Variants in SLC16A10 observed in about 807,000 individuals in gnomAD.
SLC16A10 encodes the protein monocarboxylate transporter 10.
Under a neutral mutation model 40.0 loss-of-function variants are expected in SLC16A10, and 27 were observed. The ratio of observed to expected loss-of-function variants is 0.67; its 90% CI spans 0.50 to 0.93. The LOEUF (loss-of-function observed/expected upper bound fraction) is 0.93, where lower values mean the gene tolerates loss of function less well. Ranked by LOEUF, SLC16A10 falls within the 40% of genes least tolerant of loss-of-function variation. The probability of loss-of-function intolerance (pLI) is 0.00; values close to 1 mark genes in which losing one functional copy is unlikely to be tolerated. For synonymous variants in SLC16A10, 213 were observed against 249.8 expected, an observed-to-expected ratio of 0.85 and a Z score of 1.39; for missense variants, 529 against 658.2, an observed-to-expected ratio of 0.80 and a Z score of 2.15.
At chr6:111,165,901 T>G (rs354533) in intron 1 of SLC16A10, among the ~76,000 whole-genome samples, 19,219 of 152,170 alleles carry the variant, frequency 0.13, 1,360 homozygotes, top group Middle Eastern at 0.17. Flanking sequence ...AGAAAGTCCT[T>G]CCACGTGGTT....
At chr6:111,135,697 T>TCC (rs1301990432) in intron 1 of SLC16A10, among the ~76,000 whole-genome samples, 1 of 152,218 alleles carries the variant, frequency 6.6e-6, no homozygotes, top group East Asian at 1.9e-4. Flanking sequence ...CCCCCATCTA[T>TCC]TTGGCCAGGC....
chr6:111,087,896 G>A lies in SLC16A10; in HGVS notation c.144G>A (p.Val48=). The A allele has an allele frequency of 6.4e-7, 1 of 1,570,874 alleles. No individual in the cohort carries two copies. Residue 48 remains valine (V), a synonymous_variant, in exon 1 of 6, where the codon GTG becomes GTA. Transcript: ENST00000368851. ...SPEAAVEKVE[V]ELAGPATAEP... The stretch of plus-strand genomic sequence containing the variant: ...AGGCGGCTGTCGAGAAGGTGGAGGT[G>A]GAGCTGGCGGGGCCGGCGACCGCGG...
At chr6:111,159,189 C>G (rs1479665347) in intron 1 of SLC16A10, among the ~76,000 whole-genome samples, 1 of 151,876 alleles carries the variant, frequency 6.6e-6, no homozygotes, top group Non-Finnish European at 1.5e-5. Context: ...AATCACTATC[C>G]CACATTTGCT....
At chr6:111,176,548 T>A (rs185392409) in intron 2 of SLC16A10, among the ~76,000 whole-genome samples, 8 of 152,222 alleles carry the variant, frequency 5.3e-5, no homozygotes, top group Non-Finnish European at 1.2e-4. Context: ...ATACACTTAA[T>A]TTAAGTCTTT....
At position 111,088,043 on chromosome 6, in the gene SLC16A10, C is replaced by A; in HGVS notation, c.291C>A (p.Ser97=). The A allele has an allele frequency of 6.2e-7, 1 of 1,608,744 alleles. No homozygotes were observed. Among genetic ancestry groups the A allele is most frequent in the Non-Finnish European group, 8.5e-7 (1 of 1,177,650 alleles). ...IQNACGVLFV[S]MLETFGSKDD... ...ACGCTTGCGGGGTGCTCTTCGTGTC[C>A]ATGCTGGAAACCTTCGGCTCCAAAG... The change falls in exon 1 of 6, where the codon TCC becomes TCA. Residue 97 remains serine, a synonymous_variant. Coordinates refer to ENST00000368851, the MANE Select transcript of SLC16A10 (RefSeq NM_018593.5).
intron 5 of SLC16A10, among the ~76,000 whole-genome samples, chr6:111,220,341 A>T (rs1562437839): frequency 6.6e-6 from 1 of 152,252 alleles, no homozygotes; most frequent in Non-Finnish European, 1.5e-5. Context: ...ATTCTATTTC[A>T]TGTGAATTCC....
chr6:111,138,658 C>CT (rs1414699983), intron 1 of SLC16A10, among the ~76,000 whole-genome samples: 1 of 148,768 alleles, frequency 6.7e-6, no homozygotes, highest in African/African-American at 2.5e-5. Flanking sequence ...TTTTTTTTTT[C>CT]TTTTTTTTAA....
intron 5 of SLC16A10, among the ~76,000 whole-genome samples, chr6:111,221,760 G>A (rs1048472884): frequency 3.3e-5 from 5 of 150,860 alleles, no homozygotes; most frequent in South Asian, 2.1e-4. Context: ...AAAAAAAAAC[G>A]TCTACCTTTC....
intron 1 of SLC16A10, among the ~76,000 whole-genome samples, chr6:111,167,533 C>A (rs1249875186): frequency 1.3e-5 from 2 of 152,096 alleles, no homozygotes; most frequent in African/African-American, 4.8e-5. Flanking sequence ...TGTTAACTTT[C>A]GAGGAGAGAT....
intron 1 of SLC16A10, among the ~76,000 whole-genome samples, chr6:111,089,096 T>C (rs1218621638): frequency 6.6e-6 from 1 of 152,154 alleles, no homozygotes; most frequent in Non-Finnish European, 1.5e-5. Context: ...CTTTATATGA[T>C]TAATAGTCTT....
At chr6:111,118,750 A>G (rs1013910098) in intron 1 of SLC16A10, among the ~76,000 whole-genome samples, 2 of 151,900 alleles carry the variant, frequency 1.3e-5, no homozygotes, top group Non-Finnish European at 2.9e-5. Context: ...CTATTGAAGG[A>G]AGCTGTGAAG....
intron 1 of SLC16A10, among the ~76,000 whole-genome samples, chr6:111,163,913 T>A (rs1005239165): frequency 2.6e-5 from 4 of 152,242 alleles, no homozygotes; most frequent in Non-Finnish European, 4.4e-5. Context: ...TATTTTTTGA[T>A]GAAATCTTTA....
Position 111,222,462 on chromosome 6 carries a change from A to C in SLC16A10, c.*227A>C. On this transcript the variant is annotated 3_prime_UTR_variant, in exon 6 of 6. Coordinates refer to ENST00000368851, the MANE Select transcript of SLC16A10 (RefSeq NM_018593.5). ...AGACTCTGGTATATGAAAACGTCTGAAAGTCACATATTGTGAAAATTTGAA... is the reference window on the plus strand; with the variant it reads ...AGACTCTGGTATATGAAAACGTCTGCAAGTCACATATTGTGAAAATTTGAA... The C allele has an allele frequency of 2.3e-6, 1 of 430,238 alleles. No homozygotes were observed. Among genetic ancestry groups the C allele is most frequent in the Non-Finnish European group, 3.9e-6 (1 of 254,234 alleles). 26.7% of individuals were successfully genotyped at this position (430,238 alleles called of 1,614,324 possible). A position where few individuals can be genotyped will look rare whatever the true frequency, so the allele number is the denominator to read the frequency against.
chr6:111,096,387 G>T (rs1583299962), intron 1 of SLC16A10, among the ~76,000 whole-genome samples: 1 of 152,174 alleles, frequency 6.6e-6, no homozygotes, highest in Admixed American at 6.5e-5. Flanking sequence ...ACAGTTCTGA[G>T]CACCTGCCTT....
intron 1 of SLC16A10, among the ~76,000 whole-genome samples, chr6:111,101,190 G>C (rs548903274): frequency 6.6e-6 from 1 of 151,260 alleles, no homozygotes; most frequent in Middle Eastern, 3.2e-3. Flanking sequence ...GCCGCTACAC[G>C]TAACTAATTT....
chr6:111,189,508 G>A (rs1238783250), intron 3 of SLC16A10, among the ~76,000 whole-genome samples: 1 of 152,132 alleles, frequency 6.6e-6, no homozygotes, highest in East Asian at 1.9e-4. Context: ...CCCAATCATT[G>A]TTTTTTCTTC....
At chr6:111,163,268 T>C (rs1232239472) in intron 1 of SLC16A10, among the ~76,000 whole-genome samples, 1 of 146,078 alleles carries the variant, frequency 6.8e-6, no homozygotes, top group African/African-American at 2.5e-5. Context: ...TTCTCCTGCC[T>C]CAGCCTCCCA....
Position 111,198,114 on chromosome 6 carries a change from C to T in SLC16A10, c.943-8478C>T, listed in dbSNP as rs375755462. 7.2e-5 allele frequency among the ~76,000 whole-genome samples: 11 copies of T among 152,160 alleles called. No individual in the cohort carries two copies. The South Asian group carries it at 2.3e-3, about 32-fold the overall frequency. ...CCAGCACGGGCAACATGGTGAAACC[C>T]CATCTCTACTAAAAATACAAAAACT... On this transcript the variant is annotated intron_variant, in intron 3 of 5. Coordinates refer to ENST00000368851, the MANE Select transcript of SLC16A10 (RefSeq NM_018593.5).
rs748474436 is a variant in SLC16A10, at chr6:111,128,059, G to A, written c.343+39964G>A. Among the ~76,000 whole-genome samples, 10 of 152,158 alleles carry A rather than the reference G, an allele frequency of 6.6e-5. No individual in the cohort carries two copies. The East Asian group carries it at 9.7e-4, about 15-fold the overall frequency. On this transcript the variant is annotated intron_variant, in intron 1 of 5. Transcript: ENST00000368851. ...CTTTAGACTGTTAGTAGCTTTTCTC[G>A]TCTCTACTGAGGCCAAAAGGGGCAG...
Sources: allele counts gnomAD v4.1 joint callset (sites outside exome capture counted in the v4.1 genomes callset), GRCh38; gene constraint gnomAD v4.1.1; transcripts MANE v1.5; gene names NCBI Gene and HGNC (gene_info 2026-07-23, HGNC 2026-07-21).